Variants in LIN9 observed in about 807,000 individuals in gnomAD.
The protein encoded by LIN9 is protein lin-9 homolog.
Under a neutral mutation model 78.0 loss-of-function variants are expected in LIN9, and 18 were observed. That is an observed-to-expected ratio of 0.23 (90% confidence interval 0.16 to 0.34). The LOEUF is 0.34. LIN9 is among the 10% of genes least tolerant of loss of function. LIN9 has a pLI of 1.00. For synonymous variants in LIN9, 192 were observed against 215.2 expected, an observed-to-expected ratio of 0.89 and a Z score of 0.94; for missense variants, 451 against 644.1, an observed-to-expected ratio of 0.70 and a Z score of 3.25.
rs117330891 is a variant in LIN9 at position 226,247,669 on chromosome 1, T to C, written c.1119+3170A>G. 8.0e-4 allele frequency among the ~76,000 whole-genome samples: 103 copies of C among 128,218 alleles called. 1 individual carries two copies. In the East Asian group the frequency reaches 0.023, roughly 29 times the overall value. The allele number at this position is 128,218 out of a possible 152,430, so 84.1% of individuals were successfully genotyped here. On this transcript the variant is annotated intron_variant, in intron 11 of 14. Coordinates refer to ENST00000681046, the MANE Select transcript of LIN9 (RefSeq NM_001366245.2). ...TTCCTTAATGCCTTGTTGTTTGTTT[T>C]CTTTCTTTTTTTTTTTTTTTGAGAC...
intron 7 of LIN9, among the ~76,000 whole-genome samples, chr1:226,269,398 A>G (rs1009014732): frequency 3.3e-5 from 5 of 152,228 alleles, no homozygotes; most frequent in Non-Finnish European, 7.3e-5. Context: ...TCTCCACAAA[A>G]AACAAGTACA....
intron 2 of LIN9, among the ~76,000 whole-genome samples, chr1:226,298,064 T>C (rs1662266699): frequency 6.6e-6 from 1 of 152,340 alleles, no homozygotes; most frequent in Non-Finnish European, 1.5e-5. Context: ...TGTGCTTCTT[T>C]TTCTTTGTTT....
chr1:226,289,780 G>T (rs1661608084), intron 4 of LIN9, among the ~76,000 whole-genome samples: 1 of 135,058 alleles, frequency 7.4e-6, no homozygotes, highest in Admixed American at 9.1e-5. Flanking sequence ...TTAAATCAAT[G>T]TTTAAAAAGA....
chr1:226,236,208 A>G (rs1657695133), intron 12 of LIN9, among the ~76,000 whole-genome samples: 1 of 151,926 alleles, frequency 6.6e-6, no homozygotes, highest in Non-Finnish European at 1.5e-5. Context: ...TAAATACATA[A>G]AAGTACACAA....
In LIN9 at chr1:226,273,406, T is replaced by A. The variant is rs563050707; in HGVS notation, c.682+4369A>T. Among the ~76,000 whole-genome samples the A allele has an allele frequency of 4.6e-5, 7 of 151,900 alleles. No individual in the cohort carries two copies. The East Asian group carries it at 1.2e-3, about 25-fold the overall frequency. ...TGGAACTACAGGAGCACAACACACC[T>A]GACCAATTTTTGTATTTTTTGTAGA... On this transcript the variant is annotated intron_variant, in intron 7 of 14. Transcript: ENST00000681046.
At chr1:226,277,216 G>GAAA (rs71168975) in intron 7 of LIN9, among the ~76,000 whole-genome samples, 3 of 91,462 alleles carry the variant, frequency 3.3e-5, no homozygotes, top group African/African-American at 4.2e-5. Flanking sequence ...GTCTCAAAAA[G>GAAA]AAAAAAAAAA....
chr1:226,282,491 TA>T (rs1661128826), intron 6 of LIN9, among the ~76,000 whole-genome samples: 4 of 152,168 alleles, frequency 2.6e-5, no homozygotes, highest in Admixed American at 2.6e-4. Flanking sequence ...CCCAACACAT[TA>T]AAACCTTTAT....
chr1:226,284,877 G>C (rs1334041032), intron 6 of LIN9, among the ~76,000 whole-genome samples: 2 of 151,916 alleles, frequency 1.3e-5, no homozygotes, highest in African/African-American at 2.4e-5. Flanking sequence ...GTTCTTTCCT[G>C]GTAGTTTATC....
intron 6 of LIN9, among the ~76,000 whole-genome samples, chr1:226,281,658 C>T (rs1661063578): frequency 6.6e-6 from 1 of 151,676 alleles, no homozygotes; most frequent in South Asian, 2.1e-4. Flanking sequence ...ACCCAGGACC[C>T]ATACTATTTC....
At chr1:226,232,714 G>A (rs1379966959) in intron 14 of LIN9, 108 bp from the exon 15 acceptor site, 6 of 609,298 alleles carry the variant, frequency 9.8e-6, no homozygotes, top group Non-Finnish European at 2.8e-6. Flanking sequence ...ATAAATCTTA[G>A]GGAAGGAATA....
At chr1:226,299,046 T>A (rs1171989097) in intron 2 of LIN9, among the ~76,000 whole-genome samples, 1 of 152,012 alleles carries the variant, frequency 6.6e-6, no homozygotes, top group East Asian at 1.9e-4. Context: ...ATTGTGAAAA[T>A]AAAGAGGGGT....
intron 12 of LIN9, among the ~76,000 whole-genome samples, chr1:226,234,308 G>A (rs895553846): frequency 1.3e-5 from 2 of 152,150 alleles, no homozygotes; most frequent in Admixed American, 6.5e-5. Context: ...TTGCAAAATG[G>A]TGTTTTTCTC....
intron 12 of LIN9, among the ~76,000 whole-genome samples, chr1:226,237,913 A>C (rs1657829428): frequency 6.6e-6 from 1 of 151,002 alleles, no homozygotes; most frequent in Non-Finnish European, 1.5e-5. Context: ...AGATTGTGCC[A>C]CTGCACTCCA....
intron 7 of LIN9, among the ~76,000 whole-genome samples, chr1:226,274,702 A>G (rs1056553825): frequency 4.0e-5 from 6 of 150,990 alleles, no homozygotes; most frequent in Admixed American, 4.0e-4. Flanking sequence ...TCATACTTGG[A>G]TAATTTCTAC....
rs1392579707 is a variant in LIN9 at position 226,239,106 on chromosome 1, G to A, written c.1120-10C>T. 2 of 1,607,344 alleles carry A rather than the reference G, an allele frequency of 1.2e-6. No individual in the cohort carries two copies. Among genetic ancestry groups the A allele is most frequent in the Non-Finnish European group, 1.7e-6 (2 of 1,178,416 alleles). On this transcript the variant is annotated splice_polypyrimidine_tract_variant and intron_variant, in intron 11 of 14. Transcript: ENST00000681046. Reference sequence around the variant, plus strand: ...GCATGGAATATGATTTCTGAGAAGAGAAAAAAATCAGATCTTGGTAAGAGT... The same window carrying A: ...GCATGGAATATGATTTCTGAGAAGAAAAAAAAATCAGATCTTGGTAAGAGT...
intron 10 of LIN9, among the ~76,000 whole-genome samples, chr1:226,257,088 G>T (rs1195734835): frequency 1.3e-5 from 2 of 151,864 alleles, no homozygotes; most frequent in Admixed American, 6.6e-5. Context: ...CAAGTAGCTG[G>T]GACTATAAAT....
At position 226,278,125 on chromosome 1, in the gene LIN9, C is replaced by T. The variant is rs572532870; in HGVS notation, c.525-193G>A. On this transcript the variant is annotated intron_variant, in intron 6 of 14. Coordinates refer to ENST00000681046, the MANE Select transcript of LIN9 (RefSeq NM_001366245.2). ...GGGCTCCACCTCCTGGACTCAAGTG[C>T]TGAGATTAAAAACTTAAAATCAGCC... Among the ~76,000 whole-genome samples, 14 of 152,152 alleles carry T rather than the reference C, an allele frequency of 9.2e-5. No individual in the cohort carries two copies. In the South Asian group the frequency reaches 2.9e-3, roughly 32 times the overall value.
At chr1:226,282,254 T>G (rs1261306833) in intron 6 of LIN9, among the ~76,000 whole-genome samples, 1 of 152,236 alleles carries the variant, frequency 6.6e-6, no homozygotes. Context: ...ACTTTTAGGC[T>G]GTTGCCAATC....
intron 10 of LIN9, among the ~76,000 whole-genome samples, chr1:226,255,060 C>A (rs1659100641): frequency 6.6e-6 from 1 of 152,058 alleles, no homozygotes; most frequent in Non-Finnish European, 1.5e-5. Flanking sequence ...GAGCAAAAAC[C>A]TCTAGGAACC....
Sources: gnomAD v4.1 joint callset for allele counts (sites outside exome capture counted in the v4.1 genomes callset) on GRCh38, gnomAD v4.1.1 for gene constraint, MANE v1.5 for transcripts, NCBI Gene and HGNC (gene_info 2026-07-23, HGNC 2026-07-21) for gene names.